SOWAHB: variants seen among roughly 807,000 people sequenced by gnomAD.
SOWAHB encodes the protein ankyrin repeat domain-containing protein SOWAHB.
A neutral mutation model predicts 18.3 loss-of-function variants in SOWAHB; 17 were observed. The ratio of observed to expected loss-of-function variants is 0.93; its 90% CI spans 0.64 to 1.40. SOWAHB has a LOEUF of 1.40. Among genes scored for constraint, SOWAHB ranks in the 40% most tolerant of loss-of-function variants. SOWAHB has a pLI of 0.00. For synonymous variants in SOWAHB, 496 were observed against 448.1 expected (o/e 1.11, Z -1.35); for missense variants, 1,126 against 1,033.7 (o/e 1.09, Z -1.22).
Position 76,895,724 on chromosome 4 carries a change from T to G in SOWAHB, c.2126A>C (p.Gln709Pro). ...CCCAGAGGTATTACTGGTTAGATACTGCCATGGCTTCTTCCCACTGCTGTC... is the reference window on the plus strand; with the variant it reads ...CCCAGAGGTATTACTGGTTAGATACGGCCATGGCTTCTTCCCACTGCTGTC... The part of the protein sequence containing the change: ...VRDSSGKKPW[Q>P]YLTSNTSGEI... The change falls in exon 1 of 1, where the codon CAG becomes CCG. Residue 709 changes from glutamine to proline, a missense_variant. Physicochemically the swap from Gln to Pro is moderately conservative, Grantham distance 76. Coordinates refer to ENST00000334306, the MANE Select transcript of SOWAHB (RefSeq NM_001029870.3). 6.2e-7 allele frequency: 1 copy of G among 1,614,248 alleles called. No homozygotes were observed.
chr4:76,895,565 A>C lies in SOWAHB; in HGVS notation c.2285T>G (p.Phe762Cys). Reference protein sequence around the residue: ...ISRSVTRKTSFAALLKSQHNK... With the variant: ...ISRSVTRKTSCAALLKSQHNK... ...GTGCTGACTTTTGAGTAGTGCAGCGAAGGAAGTTTTTCGGGTGACACTTCT... is the reference window on the plus strand; with the variant it reads ...GTGCTGACTTTTGAGTAGTGCAGCGCAGGAAGTTTTTCGGGTGACACTTCT... Residue 762 changes from phenylalanine to cysteine, a missense_variant, in exon 1 of 1, where the codon TTC (phenylalanine) becomes TGC (cysteine). Transcript: ENST00000334306. 1 of 1,614,202 alleles carries C rather than the reference A, an allele frequency of 6.2e-7. No individual in the cohort carries two copies. Among genetic ancestry groups the C allele is most frequent in the Non-Finnish European group, 8.5e-7 (1 of 1,180,024 alleles).
In SOWAHB at chr4:76,895,824, G is replaced by A. The variant is rs753177782; in HGVS notation, c.2026C>T (p.Leu676Phe). ...RSSCGYTPLH[L>F]AAIHGHQGVI... ...CCCTGGTGGCCGTGAATGGCTGCAA[G>A]GTGCAGCGGGGTATATCCACAACTG... The change falls in exon 1 of 1, where the codon CTT (leucine) becomes TTT (phenylalanine). Residue 676 changes from leucine to phenylalanine, a missense_variant. Physicochemically the swap from Leu to Phe is conservative, Grantham distance 22 (BLOSUM62 0). Coordinates refer to ENST00000334306, the MANE Select transcript of SOWAHB (RefSeq NM_001029870.3). 1.9e-6 allele frequency: 3 copies of A among 1,614,118 alleles called. No individual in the cohort carries two copies. In the African/African-American group the frequency reaches 4.0e-5, roughly 22 times the overall value.
At position 76,896,809 on chromosome 4, in the gene SOWAHB, A is replaced by G. The variant is rs781102354; in HGVS notation, c.1041T>C (p.Pro347=). 2 of 1,613,742 alleles carry G rather than the reference A, an allele frequency of 1.2e-6. No homozygotes were observed. The highest frequency in any genetic ancestry group is 4.5e-5 in the East Asian group (2 of 44,886). Residue 347 remains proline (P), a synonymous_variant, in exon 1 of 1, where the codon CCT becomes CCC. Coordinates refer to ENST00000334306, the MANE Select transcript of SOWAHB (RefSeq NM_001029870.3). ...QLPLEPGSTE[P]NSEPPDPCLS... is the part of the protein sequence containing the mutation. ...GACAGGGGTCTGGCGGCTCTGAATT[A>G]GGCTCCGTGGAGCCGGGTTCCAAGG...
rs372039656 is a variant in SOWAHB at position 76,898,015 on chromosome 4, G to A, written c.-166C>T. 24 of 705,352 alleles carry A rather than the reference G, an allele frequency of 3.4e-5. No individual in the cohort carries two copies. The East Asian group carries it at 5.5e-4, about 16-fold the overall frequency. 43.7% of individuals were successfully genotyped at this position (705,352 alleles called of 1,614,324 possible). A position where few individuals can be genotyped will look rare whatever the true frequency, so the allele number is the denominator to read the frequency against. On this transcript the variant is annotated 5_prime_UTR_variant, in exon 1 of 1. Coordinates refer to ENST00000334306, the MANE Select transcript of SOWAHB (RefSeq NM_001029870.3). ...CTGCCCGCAGCCCGTGAGCGCGCCA[G>A]GAGGGCCGTGGGTCCCCTCCGGGTG...
chr4:76,897,215 A>T lies in SOWAHB; in HGVS notation c.635T>A (p.Leu212His), dbSNP rs1719946146. The T allele has an allele frequency of 6.3e-7, 1 of 1,582,560 alleles. No homozygotes were observed. The highest frequency in any genetic ancestry group is 1.3e-5 in the African/African-American group (1 of 74,702). ...QNNLAVLPGE[L>H]GALPHSATAE... ...GGTGGCCGAGTGCGGGAGTGCGCCG[A>T]GCTCTCCCGGCAGTACAGCCAGGTT... Residue 212 changes from leucine to histidine, a missense_variant, in exon 1 of 1, where the codon CTC becomes CAC. By Grantham distance (99) the Leu-to-His change is moderately conservative. Transcript: ENST00000334306. The surrounding 1 kb of genome is among the most constrained non-coding windows in gnomAD (Gnocchi z 6.4).
At position 76,895,611 on chromosome 4, in the gene SOWAHB, C is replaced by T. The variant is rs1719890563; in HGVS notation, c.2239G>A (p.Ala747Thr). 1.2e-6 allele frequency: 2 copies of T among 1,614,106 alleles called. No homozygotes were observed. The highest frequency in any genetic ancestry group is 3.3e-5 in the Admixed American group (2 of 60,004). Residue 747 changes from alanine to threonine, a missense_variant, in exon 1 of 1, where the codon GCC becomes ACC. Physicochemically the swap from Ala to Thr is moderately conservative, Grantham distance 58. Transcript: ENST00000334306. ...LVGSSSPTRK[A>T]KSKEISRSVT... is the part of the protein sequence containing the mutation. ...CTTCTAGATATTTCCTTGCTCTTGG[C>T]CTTTCTGGTAGGGGAAGAACTTCCA...
chr4:76,896,397 A>C lies in SOWAHB; in HGVS notation c.1453T>G (p.Leu485Val). ...CTTAACTTAGGAACTGGCCAAGGCA[A>C]AGGCTTCAGGGGGTGGCCTGCAAGG... ...NGLAGHPLKP[L>V]PWPVPKLRRS... is the part of the protein sequence containing the mutation. The change falls in exon 1 of 1, where the codon TTG (leucine) becomes GTG (valine). Residue 485 changes from leucine to valine, a missense_variant. Physicochemically the swap from Leu to Val is conservative, Grantham distance 32 (BLOSUM62 1). Coordinates refer to ENST00000334306, the MANE Select transcript of SOWAHB (RefSeq NM_001029870.3). 1 of 1,599,366 alleles carries C rather than the reference A, an allele frequency of 6.3e-7. No individual in the cohort carries two copies. The highest frequency in any genetic ancestry group is 8.5e-7 in the Non-Finnish European group (1 of 1,172,234).
Position 76,896,971 on chromosome 4 carries a change from G to T in SOWAHB, c.879C>A (p.Ser293=). The T allele has an allele frequency of 6.3e-7, 1 of 1,591,556 alleles. No individual in the cohort carries two copies. Residue 293 remains serine (S), a synonymous_variant, in exon 1 of 1, where the codon TCC becomes TCA. Coordinates refer to ENST00000334306, the MANE Select transcript of SOWAHB (RefSeq NM_001029870.3). ...GCTGCTGCAGGGTCGAATAATGCAG[G>T]GAGCTGGGGGTCAGCAGCTCCGGCC... ...GDRPELLTPS[S]LHYSTLQQQQ... is the part of the protein sequence containing the mutation.
chr4:76,896,323 G>A lies in SOWAHB; in HGVS notation c.1527C>T (p.Ser509=). 6.2e-7 allele frequency: 1 copy of A among 1,606,202 alleles called. No homozygotes were observed. Among genetic ancestry groups the A allele is most frequent in the Non-Finnish European group, 8.5e-7 (1 of 1,174,656 alleles). The part of the protein sequence containing the change: ...SSLAGRAKLS[S]SDEEYLDEGL... The stretch of plus-strand genomic sequence containing the variant: ...CCTCATCGAGGTACTCCTCATCAGA[G>A]GAGGACAATTTGGCTCTCCCTGCCA... The change falls in exon 1 of 1, where the codon TCC becomes TCT. Residue 509 remains serine (S), a synonymous_variant. Coordinates refer to ENST00000334306, the MANE Select transcript of SOWAHB (RefSeq NM_001029870.3).
chr4:76,897,185 T>G lies in SOWAHB; in HGVS notation c.665A>C (p.Glu222Ala), dbSNP rs1021140738. 2 of 1,576,252 alleles carry G rather than the reference T, an allele frequency of 1.3e-6. No individual in the cohort carries two copies. Among genetic ancestry groups the G allele is most frequent in the Non-Finnish European group, 1.7e-6 (2 of 1,169,494 alleles). ...LGALPHSATA[E>A]EKPARALPAQ... ...AGGCAGAGCCCGTGCCGGCTTCTCC[T>G]CCGCGGTGGCCGAGTGCGGGAGTGC... Residue 222 changes from glutamate (E) to alanine (A), a missense_variant, in exon 1 of 1, where the codon GAG (glutamate) becomes GCG (alanine). By Grantham distance (107) the Glu-to-Ala change is moderately radical. Transcript: ENST00000334306. The surrounding 1 kb of genome is among the most constrained non-coding windows in gnomAD (Gnocchi z 6.4).
Position 76,897,545 on chromosome 4 carries a change from G to A in SOWAHB, c.305C>T (p.Ala102Val). The A allele has an allele frequency of 6.6e-7, 1 of 1,509,740 alleles. No individual in the cohort carries two copies. The highest frequency in any genetic ancestry group is 8.8e-7 in the Non-Finnish European group (1 of 1,138,148). 93.5% of individuals were successfully genotyped at this position (1,509,740 alleles called of 1,614,324 possible). A position where few individuals can be genotyped will look rare whatever the true frequency, so the allele number is the denominator to read the frequency against. The change falls in exon 1 of 1, where the codon GCT becomes GTT. Residue 102 changes from alanine (A) to valine (V), a missense_variant. Transcript: ENST00000334306. The surrounding 1 kb of genome is among the most constrained non-coding windows in gnomAD (Gnocchi z 6.4). ...PPAAAPSAGG[A>V]APCSPRGARR... ...CGCGCCTCGCGGGGAGCAGGGCGCA[G>A]CTCCCCCTGCACTGGGGGCGGCCGC... is the stretch of plus-strand genomic sequence containing the variant.
rs1362493588 is a variant in SOWAHB at position 76,897,784 on chromosome 4, G to C, written c.66C>G (p.Thr22=). The change falls in exon 1 of 1, where the codon ACC becomes ACG. Residue 22 remains threonine (T), a synonymous_variant. Coordinates refer to ENST00000334306, the MANE Select transcript of SOWAHB (RefSeq NM_001029870.3). This position sits in a 1 kb window ranked among gnomAD's most constrained non-coding sequence, Gnocchi z 6.4. ...TGAAGTGGCTCAGCAAGGCAGCGTT[G>C]GTCACGCGGCCCCCAGCCTGGCACA... The part of the protein sequence containing the change: ...DFLCQAGGRV[T]NAALLSHFKS... 6.2e-7 allele frequency: 1 copy of C among 1,603,254 alleles called. No homozygotes were observed. Among genetic ancestry groups the C allele is most frequent in the Non-Finnish European group, 8.5e-7 (1 of 1,179,854 alleles).
Position 76,896,017 on chromosome 4 carries a change from C to T in SOWAHB, c.1833G>A (p.Gln611=). Residue 611 remains glutamine, a synonymous_variant, in exon 1 of 1, where the codon CAG becomes CAA. Coordinates refer to ENST00000334306, the MANE Select transcript of SOWAHB (RefSeq NM_001029870.3). The stretch of plus-strand genomic sequence containing the variant: ...GGTCCTCCCAGAACAAAGTCCACAC[C>T]TGAATCCAGGAGCCACTGGCAAGCT... ...IVKLASGSWI[Q]VWTLFWEDPQ... 6.2e-7 allele frequency: 1 copy of T among 1,613,084 alleles called. No individual in the cohort carries two copies. Among genetic ancestry groups the T allele is most frequent in the Non-Finnish European group, 8.5e-7 (1 of 1,179,736 alleles).
In SOWAHB at chr4:76,897,882, A is replaced by C; in HGVS notation, c.-33T>G. On this transcript the variant is annotated 5_prime_UTR_variant, in exon 1 of 1. Transcript: ENST00000334306. This position sits in a 1 kb window ranked among gnomAD's most constrained non-coding sequence, Gnocchi z 6.4. ...TTGTCCTCCGCCCCAGAGGTGTCTG[A>C]GTCTCGCCCTCCCGGGGCTCTCCCC... 2 of 1,562,354 alleles carry C rather than the reference A, an allele frequency of 1.3e-6. No homozygotes were observed. The highest frequency in any genetic ancestry group is 1.7e-6 in the Non-Finnish European group (2 of 1,160,388).
Position 76,895,709 on chromosome 4 carries a change from T to C in SOWAHB, c.2141A>G (p.Asn714Ser). 6.2e-7 allele frequency: 1 copy of C among 1,614,234 alleles called. No individual in the cohort carries two copies. ...CAGCTGCCATATTTCCCCAGAGGTATTACTGGTTAGATACTGCCATGGCTT... is the reference window on the plus strand; with the variant it reads ...CAGCTGCCATATTTCCCCAGAGGTACTACTGGTTAGATACTGCCATGGCTT... Reference protein sequence around the residue: ...GKKPWQYLTSNTSGEIWQLLG... With the variant: ...GKKPWQYLTSSTSGEIWQLLG... Residue 714 changes from asparagine to serine, a missense_variant, in exon 1 of 1, where the codon AAT becomes AGT. Transcript: ENST00000334306.
At position 76,898,110 on chromosome 4, in the gene SOWAHB, C is replaced by G. The variant is rs1719982232; in HGVS notation, c.-261G>C. 4.3e-6 allele frequency: 2 copies of G among 470,242 alleles called. No individual in the cohort carries two copies. Among genetic ancestry groups the G allele is most frequent in the Non-Finnish European group, 3.7e-6 (1 of 268,594 alleles). 29.1% of individuals were successfully genotyped at this position (470,242 alleles called of 1,614,324 possible). On this transcript the variant is annotated 5_prime_UTR_variant, in exon 1 of 1. Coordinates refer to ENST00000334306, the MANE Select transcript of SOWAHB (RefSeq NM_001029870.3). Reference sequence around the variant, plus strand: ...GCTCCGAGGCCGCCCCTGCGCGACTCTAGCCTCTCGCAACGAGTCCTCACA... The same window carrying G: ...GCTCCGAGGCCGCCCCTGCGCGACTGTAGCCTCTCGCAACGAGTCCTCACA...
At position 76,895,564 on chromosome 4, in the gene SOWAHB, G is replaced by A. The variant is rs757368828; in HGVS notation, c.2286C>T (p.Phe762=). 3.5e-5 allele frequency: 56 copies of A among 1,614,210 alleles called. No individual in the cohort carries two copies. The highest frequency in any genetic ancestry group is 1.6e-4 in the Middle Eastern group (1 of 6,062). The change falls in exon 1 of 1, where the codon TTC becomes TTT. Residue 762 remains phenylalanine (F), a synonymous_variant. Transcript: ENST00000334306. ...ISRSVTRKTS[F]AALLKSQHNK... ...TGTGCTGACTTTTGAGTAGTGCAGC[G>A]AAGGAAGTTTTTCGGGTGACACTTC...
At position 76,895,628 on chromosome 4, in the gene SOWAHB, G is replaced by T. The variant is rs1156498626; in HGVS notation, c.2222C>A (p.Ser741Tyr). ...IFPVYPLVGS[S>Y]SPTRKAKSKE... ...GCTCTTGGCCTTTCTGGTAGGGGAA[G>T]AACTTCCAACTAAGGGATAGACAGG... Residue 741 changes from serine to tyrosine, a missense_variant, in exon 1 of 1, where the codon TCT (serine) becomes TAT (tyrosine). Ser to Tyr is a moderately radical substitution (Grantham distance 144, BLOSUM62 -2). Transcript: ENST00000334306. 1 of 1,614,118 alleles carries T rather than the reference G, an allele frequency of 6.2e-7. No homozygotes were observed. The highest frequency in any genetic ancestry group is 2.2e-5 in the East Asian group (1 of 44,894).
chr4:76,894,346 A>C lies in SOWAHB; in HGVS notation c.*1122T>G, dbSNP rs1364015421. On this transcript the variant is annotated 3_prime_UTR_variant, in exon 1 of 1. Coordinates refer to ENST00000334306, the MANE Select transcript of SOWAHB (RefSeq NM_001029870.3). ...AAATCTTGATGCTCTACTGACGTTT[A>C]TAGACTAGCCATTTTCTCACTCCAT... Among the ~76,000 whole-genome samples the C allele has an allele frequency of 2.0e-5, 3 of 152,208 alleles. No homozygotes were observed. The East Asian group carries it at 5.8e-4, about 29-fold the overall frequency.
Sources: gnomAD v4.1 joint callset for allele counts (sites outside exome capture counted in the v4.1 genomes callset) on GRCh38, gnomAD v4.1.1 for gene constraint, Gnocchi (gnomAD v3.1) non-coding constraint, MANE v1.5 for transcripts, NCBI Gene and HGNC (gene_info 2026-07-23, HGNC 2026-07-21) for gene names.